The following AGT variants were observed in gnomAD, a reference collection of about 807,000 sequenced individuals.
AGT encodes angiotensinogen, also known as alpha-1 antiproteinase, antitrypsin.
In AGT, 26 loss-of-function variants were observed where a neutral mutation model predicts 28.1. The observed-to-expected ratio is 0.92, with a 90% CI of 0.68 to 1.28. The LOEUF (loss-of-function observed/expected upper bound fraction) is 1.28. AGT is among the 50% of genes most tolerant of loss of function. AGT has a pLI of 0.00. For synonymous variants in AGT, 259 were observed against 259.6 expected, an observed-to-expected ratio of 1.00 and a Z score of 0.02; for missense variants, 596 against 592.3, an observed-to-expected ratio of 1.01 and a Z score of -0.06.
chr1:230,703,135 C>G lies in AGT; in HGVS notation c.*6G>C, dbSNP rs1413901533. ...TTGCCAGGCACTGTGTTCTGGGGCC[C>G]TGGCCTCATGCTGTGCTCAGCGGGT... On this transcript the variant is annotated 3_prime_UTR_variant, in exon 5 of 5. Transcript: ENST00000366667. The G allele has an allele frequency of 6.2e-7, 1 of 1,613,146 alleles. No individual in the cohort carries two copies. The highest frequency in any genetic ancestry group is 1.7e-5 in the Admixed American group (1 of 60,014).
chr1:230,743,463 C>T (rs960531603), intron 1 of AGT, among the ~76,000 whole-genome samples: 4 of 152,138 alleles, frequency 2.6e-5, no homozygotes, highest in Non-Finnish European at 4.4e-5. Flanking sequence ...GAATCTGTCC[C>T]TTCCTGCCTT....
chr1:230,721,305 G>A (rs1663838858), intron 1 of AGT, among the ~76,000 whole-genome samples: 1 of 152,166 alleles, frequency 6.6e-6, no homozygotes, highest in Non-Finnish European at 1.5e-5. Context: ...CAACCATGAG[G>A]CAACAAGTGT....
intron 1 of AGT, among the ~76,000 whole-genome samples, chr1:230,712,715 C>T (rs988163186): frequency 7.9e-5 from 12 of 152,218 alleles, no homozygotes; most frequent in African/African-American, 2.2e-4. Context: ...ATTCCATGGG[C>T]CATTTTTGAG....
chr1:230,715,346 C>G (rs921693599), upstream of AGT, among the ~76,000 whole-genome samples: 1 of 152,064 alleles, frequency 6.6e-6, no homozygotes, highest in African/African-American at 2.4e-5. Flanking sequence ...TTGTCTGGGG[C>G]CCCACAGCGA....
intron 1 of AGT, among the ~76,000 whole-genome samples, chr1:230,730,623 C>A (rs1571986075): frequency 6.6e-6 from 1 of 152,166 alleles, no homozygotes; most frequent in East Asian, 1.9e-4. Context: ...AGCAGGTGAG[C>A]TTCCTTTCTG....
In AGT at chr1:230,724,151, C is replaced by T. The variant is rs556801904; in HGVS notation, c.-30-13298G>A. 1.9e-4 allele frequency among the ~76,000 whole-genome samples: 29 copies of T among 152,312 alleles called. No individual in the cohort carries two copies. The South Asian group carries it at 5.8e-3, about 30-fold the overall frequency. On this transcript the variant is annotated intron_variant, in intron 1 of 4. Transcript: ENST00000681269. ...ATGAATAGTCCAGGATGCTTTTGTG[C>T]TACAACAGCACAGTTGAGTTGTTGC...
At position 230,703,147 on chromosome 1, in the gene AGT, T is replaced by A; in HGVS notation, c.1425A>T (p.Thr475=). The A allele has an allele frequency of 3.7e-6, 6 of 1,613,712 alleles. No homozygotes were observed. Among genetic ancestry groups the A allele is most frequent in the Non-Finnish European group, 5.1e-6 (6 of 1,180,038 alleles). ...GTGTTCTGGGGCCCTGGCCTCATGC[T>A]GTGCTCAGCGGGTTGGCCACGCGGC... is the stretch of plus-strand genomic sequence containing the variant. ...FLGRVANPLS[T]A is the part of the protein sequence containing the mutation. Residue 475 remains threonine (T), a synonymous_variant, in exon 5 of 5, where the codon ACA becomes ACT. Transcript: ENST00000366667.
upstream of AGT, among the ~76,000 whole-genome samples, chr1:230,719,060 A>G (rs933264147): frequency 3.3e-5 from 5 of 152,070 alleles, no homozygotes; most frequent in African/African-American, 1.2e-4. Context: ...ATAGTATCCC[A>G]TTGTGTGTAT....
chr1:230,735,507 T>C (rs2102805245), intron 1 of AGT, among the ~76,000 whole-genome samples: 1 of 152,338 alleles, frequency 6.6e-6, no homozygotes, highest in South Asian at 2.1e-4. Context: ...AGTGGCTTTT[T>C]TGTTCTCCTT....
chr1:230,708,477 C>T (rs1195898392), intron 2 of AGT, among the ~76,000 whole-genome samples: 1 of 152,192 alleles, frequency 6.6e-6, no homozygotes, highest in Non-Finnish European at 1.5e-5. Context: ...GGCCTCTGCC[C>T]CTGTGACCAG....
intron 1 of AGT, among the ~76,000 whole-genome samples, chr1:230,729,151 T>A (rs1664005329): frequency 6.6e-6 from 1 of 152,182 alleles, no homozygotes; most frequent in Admixed American, 6.5e-5. Flanking sequence ...TTCTCCACCA[T>A]CTGCCATGCA....
chr1:230,720,908 C>T (rs1038482816), intron 1 of AGT, among the ~76,000 whole-genome samples: 7 of 152,206 alleles, frequency 4.6e-5, no homozygotes, highest in African/African-American at 1.7e-4. Flanking sequence ...TCACCCTCAC[C>T]CTTCAGAGTT....
rs1663553207 is a variant in AGT, at chr1:230,710,561, G to T, written c.263C>A (p.Thr88Asn). 1.9e-6 allele frequency: 3 copies of T among 1,614,264 alleles called. No individual in the cohort carries two copies. Among genetic ancestry groups the T allele is most frequent in the Non-Finnish European group, 1.7e-6 (2 of 1,180,044 alleles). Reference sequence around the variant, plus strand: ...CATTGCGGCCCTCAACTTGTCTTCGGTGTCAAGTTTTGCAGCGACTAGCAC... The same window carrying T: ...CATTGCGGCCCTCAACTTGTCTTCGTTGTCAAGTTTTGCAGCGACTAGCAC... ...QLVLVAAKLD[T>N]EDKLRAAMVG... Residue 88 changes from threonine (T) to asparagine (N), a missense_variant, in exon 2 of 5, where the codon ACC (threonine) becomes AAC (asparagine). By Grantham distance (65) the Thr-to-Asn change is moderately conservative (BLOSUM62 0). Coordinates refer to ENST00000366667, the MANE Select transcript of AGT (RefSeq NM_001384479.1).
Position 230,702,993 on chromosome 1 carries a change from C to A in AGT, c.*148G>T, listed in dbSNP as rs968405476. Reference sequence around the variant, plus strand: ...AGACCAAGGAGAAACGGCTGCTTTCCAGCTCAAAGTCGACTCATTAGAAGA... The same window carrying A: ...AGACCAAGGAGAAACGGCTGCTTTCAAGCTCAAAGTCGACTCATTAGAAGA... On this transcript the variant is annotated 3_prime_UTR_variant, in exon 5 of 5. Coordinates refer to ENST00000366667, the MANE Select transcript of AGT (RefSeq NM_001384479.1). 4.5e-6 allele frequency: 4 copies of A among 892,788 alleles called. No homozygotes were observed. The African/African-American group carries it at 6.7e-5, about 15-fold the overall frequency. 55.3% of individuals were successfully genotyped at this position (892,788 alleles called of 1,614,324 possible). A position where few individuals can be genotyped will look rare whatever the true frequency, so the allele number is the denominator to read the frequency against.
intron 3 of AGT, among the ~76,000 whole-genome samples, chr1:230,704,777 A>G (rs1440933133): frequency 2.6e-5 from 4 of 152,208 alleles, no homozygotes; most frequent in African/African-American, 4.8e-5. Flanking sequence ...ACACGTTGCT[A>G]TGTCAACTCG....
intron 4 of AGT, among the ~76,000 whole-genome samples, chr1:230,703,917 C>T (rs1663303848): frequency 6.6e-6 from 1 of 152,180 alleles, no homozygotes; most frequent in African/African-American, 2.4e-5. Context: ...ACTATAGGAA[C>T]CCTGGAGGAC....
intron 3 of AGT, 77 bp from the exon 4 acceptor site, chr1:230,704,414 C>T (rs1212734323): frequency 3.2e-6 from 5 of 1,546,958 alleles, no homozygotes; most frequent in Non-Finnish European, 4.4e-6. Flanking sequence ...CAGGCTTATG[C>T]TCCTTGCACC....
At chr1:230,708,220 G>T (rs1663451572) in intron 2 of AGT, among the ~76,000 whole-genome samples, 1 of 152,316 alleles carries the variant, frequency 6.6e-6, no homozygotes, top group Admixed American at 6.5e-5. Context: ...GATGTGGTTG[G>T]CTTTTTTATT....
intron 1 of AGT, among the ~76,000 whole-genome samples, chr1:230,726,536 A>G (rs1353168219): frequency 6.6e-6 from 1 of 152,164 alleles, no homozygotes; most frequent in African/African-American, 2.4e-5. Flanking sequence ...ATGTCACTCT[A>G]CTGGCTAAGG....
Sources: gnomAD v4.1 joint callset for allele counts (sites outside exome capture counted in the v4.1 genomes callset) on GRCh38, gnomAD v4.1.1 for gene constraint, MANE v1.5 for transcripts, NCBI Gene and HGNC (gene_info 2026-07-23, HGNC 2026-07-21) for gene names.